The following IL1RAPL1 variants were observed in gnomAD, a reference collection of about 807,000 sequenced individuals.
IL1RAPL1 encodes interleukin-1 receptor accessory protein-like 1.
IL1RAPL1 carries 3 observed loss-of-function variants against 48.4 expected under a neutral mutation model. The ratio of observed to expected loss-of-function variants is 0.06; its 90% CI spans 0.03 to 0.16. The LOEUF (loss-of-function observed/expected upper bound fraction) is 0.16. Ranked by LOEUF, IL1RAPL1 falls within the 10% of genes least tolerant of loss-of-function variation. The pLI, the probability that IL1RAPL1 is intolerant of heterozygous loss-of-function variation, is 1.00. For synonymous variants in IL1RAPL1, 185 were observed against 187.7 expected, an observed-to-expected ratio of 0.99 and a Z score of 0.12; for missense variants, 349 against 530.6, an observed-to-expected ratio of 0.66 and a Z score of 3.36.
intron 1 of IL1RAPL1, among the ~76,000 whole-genome samples, chrX:28,605,985 C>T (rs1013064783): frequency 9.0e-6 from 1 of 110,822 alleles, no homozygotes; most frequent in South Asian, 3.8e-4. Flanking sequence ...CCGACCACAC[C>T]CTCTAAAATT....
At chrX:28,662,895 C>A (rs956726330) in intron 1 of IL1RAPL1, among the ~76,000 whole-genome samples, 2 of 111,192 alleles carry the variant, frequency 1.8e-5, no homozygotes, top group Non-Finnish European at 3.8e-5. Flanking sequence ...TTCTGACTTA[C>A]CAGGTTTGAA....
chrX:29,228,448 G>A (rs1381591643), intron 2 of IL1RAPL1, among the ~76,000 whole-genome samples: 1 of 104,547 alleles, frequency 9.6e-6, no homozygotes, highest in Non-Finnish European at 2.0e-5. Context: ...TCCGCCTTCT[G>A]GGTTCAAACG....
intron 2 of IL1RAPL1, among the ~76,000 whole-genome samples, chrX:29,214,062 T>A (rs1020758907): frequency 1.8e-5 from 2 of 111,263 alleles, no homozygotes; most frequent in Admixed American, 1.9e-4. Context: ...CCCAGTGATG[T>A]CAAGAAAATG....
intron 2 of IL1RAPL1, among the ~76,000 whole-genome samples, chrX:29,144,084 A>G (rs1420064945): frequency 4.5e-5 from 5 of 111,262 alleles, no homozygotes; most frequent in African/African-American, 1.3e-4. Flanking sequence ...AATTGGTTCT[A>G]TGGTTCACAA....
intron 6 of IL1RAPL1, among the ~76,000 whole-genome samples, chrX:29,695,828 A>G (rs777541141): frequency 8.1e-5 from 9 of 111,300 alleles, no homozygotes; most frequent in Non-Finnish European, 1.5e-4. Flanking sequence ...GCAGCATCAC[A>G]TGTGGGACTG....
intron 5 of IL1RAPL1, among the ~76,000 whole-genome samples, chrX:29,644,362 C>G: frequency 9.0e-6 from 1 of 111,642 alleles, no homozygotes; most frequent in Non-Finnish European, 1.9e-5. Flanking sequence ...CATGGTGGAC[C>G]AGAAGTCTTG....
At chrX:29,898,305 G>A (rs774284776) in intron 6 of IL1RAPL1, among the ~76,000 whole-genome samples, 74 of 112,063 alleles carry the variant, frequency 6.6e-4, no homozygotes, top group Non-Finnish European at 1.3e-3. Context: ...GCATGGCCAC[G>A]GCAAATGTAA....
intron 2 of IL1RAPL1, among the ~76,000 whole-genome samples, chrX:29,274,395 A>G (rs1932087751): frequency 8.9e-6 from 1 of 112,433 alleles, no homozygotes; most frequent in Admixed American, 9.4e-5. Flanking sequence ...AAATGGTTCT[A>G]ACCTTTTTAA....
chrX:29,827,594 G>A (rs1335270702), intron 6 of IL1RAPL1, among the ~76,000 whole-genome samples: 1 of 111,765 alleles, frequency 8.9e-6, no homozygotes, highest in Non-Finnish European at 1.9e-5. Context: ...TTTGATCAGG[G>A]ATTTGGAGGC....
At chrX:29,187,751 A>G (rs1316723087) in intron 2 of IL1RAPL1, among the ~76,000 whole-genome samples, 3 of 111,414 alleles carry the variant, frequency 2.7e-5, no homozygotes, top group African/African-American at 9.8e-5. Flanking sequence ...CATGGAACCA[A>G]TCTATCCCGT....
At chrX:28,764,760 A>C (rs966956039) in intron 1 of IL1RAPL1, among the ~76,000 whole-genome samples, 9 of 110,822 alleles carry the variant, frequency 8.1e-5, no homozygotes, top group Non-Finnish European at 1.5e-4. Flanking sequence ...AGTTGTAAAG[A>C]ATTTCATAGG....
chrX:28,695,611 C>T lies in IL1RAPL1; in HGVS notation c.-24-93709C>T, dbSNP rs752086714. ...GATAGTGAAAGTTTGGACAACCTTA[C>T]ATACCTTTATCATCTTCAGAAGTCC... On this transcript the variant is annotated intron_variant, in intron 1 of 10. Coordinates refer to ENST00000378993, the MANE Select transcript of IL1RAPL1 (RefSeq NM_014271.4). 2.7e-5 allele frequency among the ~76,000 whole-genome samples: 3 copies of T among 111,959 alleles called. No individual in the cohort carries two copies. The East Asian group carries it at 8.4e-4, about 31-fold the overall frequency.
chrX:29,841,386 G>A (rs59033529), intron 6 of IL1RAPL1, among the ~76,000 whole-genome samples: 45 of 111,075 alleles, frequency 4.1e-4, no homozygotes, highest in African/African-American at 5.2e-4. Context: ...ATAATCTATC[G>A]TCTGTTTATG....
At chrX:29,944,260 A>G (rs1340040728) in intron 9 of IL1RAPL1, among the ~76,000 whole-genome samples, 1 of 111,391 alleles carries the variant, frequency 9.0e-6, no homozygotes, top group Non-Finnish European at 1.9e-5. Context: ...TTATGGGAAG[A>G]AATTATTACT....
chrX:28,868,367 ATAAAC>A (rs1197356824), intron 2 of IL1RAPL1, among the ~76,000 whole-genome samples: 1 of 111,831 alleles, frequency 8.9e-6, no homozygotes, highest in Non-Finnish European at 1.9e-5. Flanking sequence ...TAAAGACTGA[ATAAAC>A]TAATTTTGTT....
intron 2 of IL1RAPL1, among the ~76,000 whole-genome samples, chrX:29,173,509 TC>T (rs1233522650): frequency 1.8e-4 from 20 of 111,934 alleles, no homozygotes; most frequent in Middle Eastern, 9.2e-3. Context: ...CTAAGTAAAG[TC>T]TCATTTTGAC....
intron 6 of IL1RAPL1, among the ~76,000 whole-genome samples, chrX:29,676,581 A>G (rs1369566323): frequency 8.9e-6 from 1 of 111,997 alleles, no homozygotes; most frequent in African/African-American, 3.2e-5. Flanking sequence ...TAGTAAGTAC[A>G]TAGTTATAAC....
intron 2 of IL1RAPL1, among the ~76,000 whole-genome samples, chrX:28,799,585 A>G (rs1027105664): frequency 1.2e-4 from 13 of 112,141 alleles, no homozygotes; most frequent in African/African-American, 4.2e-4. Context: ...ACTATGTAGG[A>G]TCATACATGA....
chrX:29,297,675 C>G (rs1336834716), intron 3 of IL1RAPL1, among the ~76,000 whole-genome samples: 1 of 111,923 alleles, frequency 8.9e-6, no homozygotes, highest in Non-Finnish European at 1.9e-5. Context: ...TATTGGCTTT[C>G]TAGAAATTCA....
Sources: gnomAD v4.1 joint callset for allele counts (sites outside exome capture counted in the v4.1 genomes callset) on GRCh38, gnomAD v4.1.1 for gene constraint, MANE v1.5 for transcripts, NCBI Gene and HGNC (gene_info 2026-07-23, HGNC 2026-07-21) for gene names.